The following MYO18A variants were observed in gnomAD, a reference collection of about 807,000 sequenced individuals.
MYO18A encodes the protein myosin XVIIIA, also known as unconventional myosin-XVIIIa.
MYO18A carries 78 observed loss-of-function variants against 235.8 expected under a neutral mutation model. The observed-to-expected ratio is 0.33, with a 90% CI of 0.28 to 0.40. The LOEUF (loss-of-function observed/expected upper bound fraction) is 0.40, where lower values mean the gene tolerates loss of function less well. MYO18A is among the 10% of genes least tolerant of loss of function. The pLI, the probability that MYO18A is intolerant of heterozygous loss-of-function variation, is 1.00. For synonymous variants in MYO18A, 977 were observed against 1,077.8 expected (o/e 0.91, Z 1.83); for missense variants, 2,215 against 2,699.3 (o/e 0.82, Z 3.98).
intron 2 of MYO18A, among the ~76,000 whole-genome samples, chr17:29,143,137 T>C (rs1043036502): frequency 1.3e-5 from 2 of 152,074 alleles, no homozygotes; most frequent in African/African-American, 4.8e-5. Flanking sequence ...ATTTGTAAAA[T>C]GGGAAAATAA....
At chr17:29,115,546 G>C in intron 12 of MYO18A, 105 bp from the exon 13 acceptor site, 1 of 1,466,076 alleles carries the variant, frequency 6.8e-7, no homozygotes, top group South Asian at 1.3e-5. Context: ...CTGGGGCAGG[G>C]CCTCTGCCAC....
At chr17:29,147,103 A>G (rs115843719) in intron 2 of MYO18A, among the ~76,000 whole-genome samples, 4,234 of 152,292 alleles carry the variant, frequency 0.028, 209 homozygotes, top group African/African-American at 0.096. Context: ...AGGTGATTTG[A>G]ACTCAGATTG....
At chr17:29,095,337 C>T (rs534107429) in intron 28 of MYO18A, among the ~76,000 whole-genome samples, 106 of 152,308 alleles carry the variant, frequency 7.0e-4, no homozygotes, top group Non-Finnish European at 1.0e-3. Flanking sequence ...AACAGGCCCC[C>T]TCAGGAGTTA....
intron 2 of MYO18A, among the ~76,000 whole-genome samples, chr17:29,162,941 C>A (rs878935007): frequency 6.6e-6 from 1 of 152,224 alleles, no homozygotes; most frequent in Non-Finnish European, 1.5e-5. Context: ...ACCCAAGGGG[C>A]TGTGTCTCCC....
intron 2 of MYO18A, among the ~76,000 whole-genome samples, chr17:29,132,919 C>T (rs575167920): frequency 6.6e-6 from 1 of 152,344 alleles, no homozygotes; most frequent in South Asian, 2.1e-4. Flanking sequence ...CACTCTCCCC[C>T]TTGCTGCCCC....
chr17:29,082,447 A>G lies in MYO18A; in HGVS notation c.5898-9T>C, dbSNP rs751274669. On this transcript the variant is annotated splice_polypyrimidine_tract_variant and intron_variant, in intron 40 of 41. Transcript: ENST00000527372. ...CATCAGAGTCTCCCTCACTGTAGGG[A>G]TGAGGAGCAGAAAGGTAGACAAGGC... is the stretch of plus-strand genomic sequence containing the variant. 16 of 1,611,740 alleles carry G rather than the reference A, an allele frequency of 9.9e-6. No homozygotes were observed. Among genetic ancestry groups the G allele is most frequent in the Non-Finnish European group, 1.4e-5 (16 of 1,179,322 alleles).
chr17:29,084,876 C>T (rs1274966835), intron 40 of MYO18A, among the ~76,000 whole-genome samples: 1 of 152,188 alleles, frequency 6.6e-6, no homozygotes, highest in African/African-American at 2.4e-5. Flanking sequence ...AAGGCCTGCG[C>T]ATCTGCATCC....
At chr17:29,098,552 C>T (rs1016576378) in intron 23 of MYO18A, 107 bp from the exon 24 acceptor site, 38 of 1,328,878 alleles carry the variant, frequency 2.9e-5, no homozygotes, top group Middle Eastern at 2.3e-4. Context: ...TGGGCCAGGA[C>T]GCCATGGGGA....
rs777997447 is a variant in MYO18A, at chr17:29,074,062, TTGCTCAACCC to T, written c.*698_*707del. ...CACACACACACTTGTCTGCGTAGGC[TTGCTCAACCC>T]AGCCCAGCAGCACCGGAGAGCCCCT... On this transcript the variant is annotated 3_prime_UTR_variant, in exon 42 of 42. Transcript: ENST00000527372. This position sits in a 1 kb window ranked among gnomAD's most constrained non-coding sequence, Gnocchi z 4.4. The T allele has an allele frequency of 3.1e-5, 50 of 1,613,920 alleles. No individual in the cohort carries two copies. The African/African-American group carries it at 6.5e-4, about 21-fold the overall frequency.
Position 29,106,847 on chromosome 17 carries a change from TTGTC to T in MYO18A, c.3441+229_3441+232del, listed in dbSNP as rs2066798684. ...CCAGGCCCTGCTCGCTCCTGGATGA[TTGTC>T]TGGCTCACCAGCAAGCAGACACCCC... On this transcript the variant is annotated intron_variant, in intron 20 of 41. Coordinates refer to ENST00000527372, the MANE Select transcript of MYO18A (RefSeq NM_078471.4). The surrounding 1 kb of genome is among the most constrained non-coding windows in gnomAD (Gnocchi z 4.6). Among the ~76,000 whole-genome samples, 1 of 152,150 alleles carries T rather than the reference TTGTC, an allele frequency of 6.6e-6. No individual in the cohort carries two copies. Among genetic ancestry groups the T allele is most frequent in the Non-Finnish European group, 1.5e-5 (1 of 68,024 alleles).
chr17:29,073,798 G>A lies in MYO18A; in HGVS notation c.*972C>T, dbSNP rs2065915779. 2.0e-6 allele frequency: 3 copies of A among 1,521,820 alleles called. No individual in the cohort carries two copies. The highest frequency in any genetic ancestry group is 8.9e-7 in the Non-Finnish European group (1 of 1,118,006). 94.3% of individuals were successfully genotyped at this position (1,521,820 alleles called of 1,614,324 possible). On this transcript the variant is annotated 3_prime_UTR_variant, in exon 42 of 42. Coordinates refer to ENST00000527372, the MANE Select transcript of MYO18A (RefSeq NM_078471.4). ...CTCAGGACACAGAGTGAGGACTCAT[G>A]TCTAATGAGCACCGGCCAAAACTTC... is the stretch of plus-strand genomic sequence containing the variant.
chr17:29,121,350 G>A lies in MYO18A; in HGVS notation c.1372-139C>T. 1 of 1,132,204 alleles carries A rather than the reference G, an allele frequency of 8.8e-7. No homozygotes were observed. 70.1% of individuals were successfully genotyped at this position (1,132,204 alleles called of 1,614,324 possible). A position where few individuals can be genotyped will look rare whatever the true frequency, so the allele number is the denominator to read the frequency against. ...GATTCCAAGGCCAAGGCCATGCATG[G>A]AAATGAAGACACTAAGTCCTGGACT... On this transcript the variant is annotated intron_variant, in intron 5 of 41. Transcript: ENST00000527372. The surrounding 1 kb of genome is among the most constrained non-coding windows in gnomAD (Gnocchi z 4.2).
At position 29,106,126 on chromosome 17, in the gene MYO18A, C is replaced by T. The variant is rs1203882224; in HGVS notation, c.3441+954G>A. ...GGACCAGCAGGCACGAGGCTGTGGTCAGAGAAGGCCATGCTGGGATTTATG... is the reference window on the plus strand; with the variant it reads ...GGACCAGCAGGCACGAGGCTGTGGTTAGAGAAGGCCATGCTGGGATTTATG... On this transcript the variant is annotated intron_variant, in intron 20 of 41. Coordinates refer to ENST00000527372, the MANE Select transcript of MYO18A (RefSeq NM_078471.4). This position sits in a 1 kb window ranked among gnomAD's most constrained non-coding sequence, Gnocchi z 4.6. Among the ~76,000 whole-genome samples the T allele has an allele frequency of 1.3e-5, 2 of 152,078 alleles. No individual in the cohort carries two copies. Among genetic ancestry groups the T allele is most frequent in the Non-Finnish European group, 2.9e-5 (2 of 68,014 alleles).
rs777210507 is a variant in MYO18A at position 29,158,244 on chromosome 17, TGA to T, written c.999+7696_999+7697del. 1.3e-5 allele frequency among the ~76,000 whole-genome samples: 2 copies of T among 152,286 alleles called. No individual in the cohort carries two copies. Among genetic ancestry groups the T allele is most frequent in the South Asian group, 2.1e-4 (1 of 4,824 alleles). On this transcript the variant is annotated intron_variant, in intron 2 of 41. Transcript: ENST00000527372. This position sits in a 1 kb window ranked among gnomAD's most constrained non-coding sequence, Gnocchi z 4.3. ...CAGAGTCTGTGCAAAGCAACCGGGC[TGA>T]GTCGCACCAGGGCAGAACACCATGC...
chr17:29,177,004 C>T (rs1405194447), intron 1 of MYO18A, among the ~76,000 whole-genome samples: 1 of 152,228 alleles, frequency 6.6e-6, no homozygotes, highest in Non-Finnish European at 1.5e-5. Context: ...TCGCCAGGTT[C>T]CCTGCTGCTC....
chr17:29,179,357 CACCCCCAAAACAA>C (rs1033077235), intron 1 of MYO18A, among the ~76,000 whole-genome samples: 4 of 151,996 alleles, frequency 2.6e-5, no homozygotes, highest in Non-Finnish European at 4.4e-5. Flanking sequence ...CCCCCATCTC[CACCCCCAAAACAA>C]AGCCCCAATG....
chr17:29,167,647 A>C (rs945248732), intron 1 of MYO18A, among the ~76,000 whole-genome samples: 1 of 151,968 alleles, frequency 6.6e-6, no homozygotes, highest in African/African-American at 2.4e-5. Context: ...TCGAGGTTGC[A>C]GTGAACTATG....
rs764646262 is a variant in MYO18A at position 29,090,002 on chromosome 17, T to C, written c.5485A>G (p.Thr1829Ala). Residue 1829 changes from threonine (T) to alanine (A), a missense_variant, in exon 37 of 42, where the codon ACA (threonine) becomes GCA (alanine). By Grantham distance (58) the Thr-to-Ala change is moderately conservative. Transcript: ENST00000527372. ...RQEAKIRELE[T>A]RLEFERTQVK... is the part of the protein sequence containing the mutation. Reference sequence around the variant, plus strand: ...TGCGTCCTTTCAAACTCCAGGCGTGTCTCCAGCTCCCGTATCTTAGCTTCC... The same window carrying C: ...TGCGTCCTTTCAAACTCCAGGCGTGCCTCCAGCTCCCGTATCTTAGCTTCC... 1 of 1,614,028 alleles carries C rather than the reference T, an allele frequency of 6.2e-7. No homozygotes were observed. The highest frequency in any genetic ancestry group is 8.5e-7 in the Non-Finnish European group (1 of 1,179,906).
intron 38 of MYO18A, 110 bp downstream of exon 38, chr17:29,086,826 C>A: frequency 7.6e-7 from 1 of 1,310,580 alleles, no homozygotes; most frequent in East Asian, 2.5e-5. Flanking sequence ...TTCTCTGACT[C>A]ATGTGCAGTT....
Sources: gnomAD v4.1 joint callset for allele counts (sites outside exome capture counted in the v4.1 genomes callset) on GRCh38, gnomAD v4.1.1 for gene constraint, Gnocchi (gnomAD v3.1) non-coding constraint, MANE v1.5 for transcripts, NCBI Gene and HGNC (gene_info 2026-07-23, HGNC 2026-07-21) for gene names.